The following SHTN1 variants were observed in gnomAD, a reference collection of about 807,000 sequenced individuals.
SHTN1 encodes shootin-1.
A neutral mutation model predicts 83.1 loss-of-function variants in SHTN1; 42 were observed. The ratio of observed to expected loss-of-function variants is 0.51; its 90% confidence interval spans 0.39 to 0.65. The LOEUF (loss-of-function observed/expected upper bound fraction) is 0.65. Ranked by LOEUF, SHTN1 falls within the 30% of genes least tolerant of loss-of-function variation. The probability of loss-of-function intolerance (pLI) is 0.00; values close to 1 mark genes in which losing one functional copy is unlikely to be tolerated. For synonymous variants in SHTN1, 224 were observed against 247.7 expected (o/e 0.90, Z 0.90); for missense variants, 622 against 737.8 (o/e 0.84, Z 1.82).
chr10:116,913,545 C>T (rs1848280401), intron 13 of SHTN1, among the ~76,000 whole-genome samples: 2 of 152,144 alleles, frequency 1.3e-5, no homozygotes, highest in Non-Finnish European at 2.9e-5. Context: ...AACGAAAGTA[C>T]GTATGGAACA....
intron 1 of SHTN1, among the ~76,000 whole-genome samples, chr10:116,996,479 T>G (rs1851631379): frequency 1.3e-5 from 2 of 152,154 alleles, no homozygotes; most frequent in South Asian, 4.1e-4. Flanking sequence ...CTTTATGATA[T>G]TTAAACTACA....
chr10:117,106,497 T>C (rs995796605), intron 1 of SHTN1, among the ~76,000 whole-genome samples: 1 of 152,106 alleles, frequency 6.6e-6, no homozygotes, highest in African/African-American at 2.4e-5. Flanking sequence ...TGATGTCCTA[T>C]GTTGAGACCA....
At chr10:116,991,620 A>C (rs2133514180) in intron 1 of SHTN1, among the ~76,000 whole-genome samples, 1 of 152,270 alleles carries the variant, frequency 6.6e-6, no homozygotes, top group East Asian at 1.9e-4. Flanking sequence ...CAAGATACTA[A>C]AAAGCAGGCA....
At chr10:117,037,509 C>A (rs1212717607) in intron 2 of SHTN1, among the ~76,000 whole-genome samples, 1 of 152,032 alleles carries the variant, frequency 6.6e-6, no homozygotes, top group East Asian at 1.9e-4. Flanking sequence ...AATGCAATAC[C>A]AATCAAAATT....
chr10:116,929,447 C>T (rs1848868265), intron 10 of SHTN1, among the ~76,000 whole-genome samples: 2 of 152,044 alleles, frequency 1.3e-5, no homozygotes, highest in Non-Finnish European at 1.5e-5. Context: ...AGTATGAACA[C>T]CAAAGATGAA....
chr10:117,031,489 T>C (rs907008380), intron 2 of SHTN1, among the ~76,000 whole-genome samples: 9 of 151,918 alleles, frequency 5.9e-5, no homozygotes, highest in African/African-American at 2.2e-4. Context: ...TATAAACTAC[T>C]CTTATTTCTA....
At position 116,953,946 on chromosome 10, in the gene SHTN1, A is replaced by G; in HGVS notation, c.436+96T>C. The G allele has an allele frequency of 7.4e-6, 8 of 1,083,378 alleles. No homozygotes were observed. In the South Asian group the frequency reaches 1.4e-4, roughly 19 times the overall value. The allele number at this position is 1,083,378 out of a possible 1,614,324, so 67.1% of individuals were successfully genotyped here. On this transcript the variant is annotated intron_variant, in intron 5 of 16. Coordinates refer to ENST00000355371, the MANE Select transcript of SHTN1 (RefSeq NM_001127211.3). Reference sequence around the variant, plus strand: ...GCCCTGCCTAGGCATCAGTATTTTGAAAGCTTCCCACATGATTCTGATGTG... The same window carrying G: ...GCCCTGCCTAGGCATCAGTATTTTGGAAGCTTCCCACATGATTCTGATGTG...
intron 8 of SHTN1, 24 bp from the exon 9 acceptor site, chr10:116,940,636 G>GTA: frequency 5.8e-6 from 9 of 1,562,976 alleles, no homozygotes; most frequent in Non-Finnish European, 7.8e-6. Flanking sequence ...TTACAAGAAT[G>GTA]TATATATCAA....
chr10:116,944,957 G>A lies in SHTN1; in HGVS notation c.678C>T (p.Asp226=). The part of the protein sequence containing the change: ...EMQVNLELEK[D]LRKKAESFAQ... ...CAAATGACTCTGCTTTCTTTCGAAG[G>A]TCCTTCTCCAGCTCCAGGTTTACTT... Residue 226 remains aspartate, a synonymous_variant, in exon 8 of 17, where the codon GAC becomes GAT. Coordinates refer to ENST00000355371, the MANE Select transcript of SHTN1 (RefSeq NM_001127211.3). The A allele has an allele frequency of 6.2e-7, 1 of 1,611,262 alleles. No individual in the cohort carries two copies. The highest frequency in any genetic ancestry group is 1.1e-5 in the South Asian group (1 of 91,008).
At chr10:116,932,518 C>T (rs1220862379) in intron 9 of SHTN1, among the ~76,000 whole-genome samples, 1 of 152,156 alleles carries the variant, frequency 6.6e-6, no homozygotes, top group African/African-American at 2.4e-5. Flanking sequence ...GAAACTGGTC[C>T]CTAGTGCCAA....
chr10:116,901,374 C>T (rs1847728747), intron 16 of SHTN1: 1 of 985,012 alleles, frequency 1.0e-6, no homozygotes, highest in African/African-American at 1.8e-5. Context: ...AAAAACGTGC[C>T]CTTCTAAGTA....
At chr10:116,928,233 T>C (rs892605218) in intron 10 of SHTN1, among the ~76,000 whole-genome samples, 31 of 152,116 alleles carry the variant, frequency 2.0e-4, no homozygotes, top group African/African-American at 5.3e-4. Flanking sequence ...CACTAAGAAA[T>C]TGTTAATACT....
At chr10:116,966,978 A>G (rs1850418198) in intron 3 of SHTN1, among the ~76,000 whole-genome samples, 1 of 152,246 alleles carries the variant, frequency 6.6e-6, no homozygotes, top group African/African-American at 2.4e-5. Context: ...TTCCCCTTGG[A>G]TGTTCTCTGT....
Position 116,906,715 on chromosome 10 carries a change from G to A in SHTN1, c.1392C>T (p.Ser464=), listed in dbSNP as rs1445037241. Residue 464 remains serine, a synonymous_variant, in exon 15 of 17, where the codon AGC becomes AGT. Transcript: ENST00000355371. Reference sequence around the variant, plus strand: ...TGTTTTCAGGGTCAAGGGATTTTAAGCTTCTTGAACTAGTGGATTTGTTAA... The same window carrying A: ...TGTTTTCAGGGTCAAGGGATTTTAAACTTCTTGAACTAGTGGATTTGTTAA... ...GTLNKSTSSR[S]LKSLDPENSE... The A allele has an allele frequency of 6.2e-7, 1 of 1,612,830 alleles. No homozygotes were observed. The highest frequency in any genetic ancestry group is 1.3e-5 in the African/African-American group (1 of 74,894).
chr10:116,881,550 G>A lies in SHTN1; in HGVS notation c.*4794C>T. The A allele has an allele frequency of 6.5e-7, 1 of 1,547,054 alleles. No individual in the cohort carries two copies. Among genetic ancestry groups the A allele is most frequent in the Non-Finnish European group, 8.7e-7 (1 of 1,146,068 alleles). On this transcript the variant is annotated 3_prime_UTR_variant, in exon 17 of 17. Coordinates refer to ENST00000355371, the MANE Select transcript of SHTN1 (RefSeq NM_001127211.3). ...AGAACACACTTTTTTTTACTTTAAT[G>A]AGGAAGCTGAAAAGGCTGCGGAGGC...
chr10:117,028,098 C>CA (rs1171945932), intron 2 of SHTN1, among the ~76,000 whole-genome samples: 2 of 152,166 alleles, frequency 1.3e-5, no homozygotes, highest in Non-Finnish European at 2.9e-5. Context: ...GAGCAAAGGT[C>CA]ATTTTTTGTT....
chr10:116,945,514 A>G (rs1272385945), intron 7 of SHTN1, among the ~76,000 whole-genome samples: 1 of 152,342 alleles, frequency 6.6e-6, no homozygotes, highest in East Asian at 1.9e-4. Flanking sequence ...AGCCACAGAT[A>G]AAGCACATCA....
intron 1 of SHTN1, among the ~76,000 whole-genome samples, chr10:117,079,029 T>TC (rs1410633400): frequency 1.3e-5 from 2 of 151,510 alleles, no homozygotes; most frequent in Non-Finnish European, 2.9e-5. Context: ...GTGAATTTTT[T>TC]TTATTTTTAT....
At chr10:116,963,801 ATAG>A (rs1850291594) in intron 3 of SHTN1, among the ~76,000 whole-genome samples, 1 of 152,186 alleles carries the variant, frequency 6.6e-6, no homozygotes. Context: ...GAAATTTTTC[ATAG>A]TAAAAAAATT....
Sources: gnomAD v4.1 joint callset for allele counts (sites outside exome capture counted in the v4.1 genomes callset) on GRCh38, gnomAD v4.1.1 for gene constraint, MANE v1.5 for transcripts, NCBI Gene and HGNC (gene_info 2026-07-23, HGNC 2026-07-21) for gene names.